NUP188: variants seen among roughly 807,000 people sequenced by gnomAD.
NUP188 encodes nucleoporin 188, also known as nucleoporin NUP188.
Under a neutral mutation model 223.0 loss-of-function variants are expected in NUP188, and 97 were observed. That is an observed-to-expected ratio of 0.43 (90% confidence interval 0.37 to 0.51). The LOEUF (loss-of-function observed/expected upper bound fraction) is 0.51. Ranked by LOEUF, NUP188 falls within the 20% of genes least tolerant of loss-of-function variation. The pLI is 0.00. For missense variants in NUP188, 1,947 were observed against 2,175.6 expected (o/e 0.89, Z 2.09); for synonymous variants, 869 against 828.0 (o/e 1.05, Z -0.85).
chr9:129,005,920 T>C (rs771305985), intron 41 of NUP188, 130 bp from the exon 42 acceptor site: 175 of 1,400,964 alleles, frequency 1.2e-4, no homozygotes, highest in Middle Eastern at 6.8e-4. Context: ...ACAGCACCTC[T>C]GAGAATTACT....
chr9:128,986,010 G>T (rs1842328142), intron 20 of NUP188, among the ~76,000 whole-genome samples: 2 of 152,092 alleles, frequency 1.3e-5, no homozygotes, highest in African/African-American at 4.8e-5. Context: ...TTGCACTCCA[G>T]CCTAGGTGCC....
At chr9:128,980,425 AAATC>A (rs1373697341) in intron 13 of NUP188, among the ~76,000 whole-genome samples, 177 bp from the exon 14 acceptor site, 1 of 152,340 alleles carries the variant, frequency 6.6e-6, no homozygotes, top group African/African-American at 2.4e-5. Flanking sequence ...GTCCCTCACT[AAATC>A]AATTATTTTA....
Position 128,983,140 on chromosome 9 carries a change from C to T in NUP188, c.1796+112C>T, listed in dbSNP as rs1401625997. ...ACTGGGTTAAAGTTCGCGCATATTC[C>T]TTGGTTTTCCTGTTTTTATATCTGT... On this transcript the variant is annotated intron_variant, in intron 17 of 43. Transcript: ENST00000372577. The T allele has an allele frequency of 2.0e-6, 3 of 1,474,582 alleles. No individual in the cohort carries two copies. The African/African-American group carries it at 4.2e-5, about 21-fold the overall frequency. 91.3% of individuals were successfully genotyped at this position (1,474,582 alleles called of 1,614,324 possible).
At chr9:128,954,363 C>T (rs1230393701) in intron 3 of NUP188, among the ~76,000 whole-genome samples, 5 of 143,178 alleles carry the variant, frequency 3.5e-5, no homozygotes, top group African/African-American at 1.1e-4. Context: ...TACAGGCGCC[C>T]GCTGTGACAA....
chr9:128,956,206 TG>T (rs1841867918), intron 3 of NUP188, 143 bp from the exon 4 acceptor site: 1 of 463,702 alleles, frequency 2.2e-6, no homozygotes, highest in African/African-American at 2.1e-5. Context: ...TGTGTGTGTG[TG>T]TGTGCGTGTG....
chr9:129,003,319 C>T lies in NUP188; in HGVS notation c.4299C>T (p.Cys1433=). The change falls in exon 38 of 44, where the codon TGC becomes TGT. Residue 1433 remains cysteine, a splice_region_variant and synonymous_variant. Transcript: ENST00000372577. Reference sequence around the variant, plus strand: ...CCTGATGTGTGCTTTCCTCCCAGTGCCTCAACGCAGTGAGGACAGTGCAGA... The same window carrying T: ...CCTGATGTGTGCTTTCCTCCCAGTGTCTCAACGCAGTGAGGACAGTGCAGA... The part of the protein sequence containing the change: ...VGVHQERTLQ[C]LNAVRTVQSL... 6.2e-7 allele frequency: 1 copy of T among 1,602,384 alleles called. No homozygotes were observed. Among genetic ancestry groups the T allele is most frequent in the Non-Finnish European group, 8.5e-7 (1 of 1,177,640 alleles).
At chr9:128,977,443 A>T (rs886777764) in intron 12 of NUP188, among the ~76,000 whole-genome samples, 1 of 152,162 alleles carries the variant, frequency 6.6e-6, no homozygotes, top group Non-Finnish European at 1.5e-5. Flanking sequence ...TAAAGAAATC[A>T]TTCAGTGAGC....
At position 129,002,980 on chromosome 9, in the gene NUP188, G is replaced by C. The variant is rs1304161204; in HGVS notation, c.4296+5G>C. 1 of 1,613,692 alleles carries C rather than the reference G, an allele frequency of 6.2e-7. No individual in the cohort carries two copies. Among genetic ancestry groups the C allele is most frequent in the South Asian group, 1.1e-5 (1 of 91,060 alleles). ...CACCAGGAGCGGACCTTACAGGTGA[G>C]GGGCTGCCTGCATTGCAGGGGTGGG... On this transcript the variant is annotated splice_donor_5th_base_variant and intron_variant, in intron 37 of 43. Transcript: ENST00000372577.
chr9:128,981,552 A>G (rs770048733), intron 15 of NUP188, among the ~76,000 whole-genome samples, 162 bp downstream of exon 15: 4 of 151,998 alleles, frequency 2.6e-5, no homozygotes, highest in East Asian at 1.9e-4. Context: ...CACTGGGATT[A>G]TAGACGTGAG....
At chr9:128,998,939 C>T (rs1359750656) in intron 32 of NUP188, among the ~76,000 whole-genome samples, 1 of 151,462 alleles carries the variant, frequency 6.6e-6, no homozygotes, top group Non-Finnish European at 1.5e-5. Flanking sequence ...TCACTGCAAC[C>T]TCCACCTCCC....
At position 128,983,567 on chromosome 9, in the gene NUP188, G is replaced by GT; in HGVS notation, c.1961+17_1961+18insT. On this transcript the variant is annotated intron_variant, in intron 19 of 43. Coordinates refer to ENST00000372577, the MANE Select transcript of NUP188 (RefSeq NM_015354.3). ...GATGATTAGGTGAGCCAAGTCCTAG[G>GT]GTGGTGGGCCATATTCCCTAGTGAG... is the stretch of plus-strand genomic sequence containing the variant. The GT allele has an allele frequency of 6.3e-7, 1 of 1,592,804 alleles. No individual in the cohort carries two copies. Among genetic ancestry groups the GT allele is most frequent in the Admixed American group, 1.7e-5 (1 of 59,778 alleles).
chr9:128,998,110 G>T lies in NUP188; in HGVS notation c.3352-41G>T. ...CATGTTTCTTGGCCTCTAAAATCTGGAAAATTTTCCCAGCTGAAACCTTTT... is the reference window on the plus strand; with the variant it reads ...CATGTTTCTTGGCCTCTAAAATCTGTAAAATTTTCCCAGCTGAAACCTTTT... On this transcript the variant is annotated intron_variant, in intron 30 of 43. Coordinates refer to ENST00000372577, the MANE Select transcript of NUP188 (RefSeq NM_015354.3). 2.0e-6 allele frequency: 3 copies of T among 1,514,766 alleles called. No individual in the cohort carries two copies. The South Asian group carries it at 3.4e-5, about 17-fold the overall frequency. 93.8% of individuals were successfully genotyped at this position (1,514,766 alleles called of 1,614,324 possible).
intron 8 of NUP188, among the ~76,000 whole-genome samples, chr9:128,963,470 C>T (rs181700136): frequency 2.0e-5 from 3 of 151,024 alleles, no homozygotes; most frequent in Non-Finnish European, 3.0e-5. Flanking sequence ...ATTTTTAATA[C>T]TGGGATTACA....
chr9:128,993,021 G>GA (rs914424698), intron 25 of NUP188, 176 bp from the exon 26 acceptor site: 1 of 602,468 alleles, frequency 1.7e-6, no homozygotes, highest in East Asian at 2.8e-5. Context: ...TCTTTCCTGT[G>GA]AATTTGCGGG....
At chr9:128,951,782 T>C (rs1456958129) in intron 2 of NUP188, among the ~76,000 whole-genome samples, 1 of 151,602 alleles carries the variant, frequency 6.6e-6, no homozygotes, top group Non-Finnish European at 1.5e-5. Flanking sequence ...AGTGTGATTC[T>C]GGAATCTGAT....
Position 128,998,176 on chromosome 9 carries a change from CTG to C in NUP188, c.3380_3381del (p.Val1127GlyfsTer8). On this transcript the variant is annotated frameshift_variant, in exon 31 of 44. Coordinates refer to ENST00000372577, the MANE Select transcript of NUP188 (RefSeq NM_015354.3). LOFTEE classifies it high-confidence loss of function. ...GCAGATATAATGCACCTGACTGACT[CTG>C]TGGTGCGTCGCCAGCTCTTTCTTGA... 6.2e-7 allele frequency: 1 copy of C among 1,613,934 alleles called. No homozygotes were observed. Among genetic ancestry groups the C allele is most frequent in the Non-Finnish European group, 8.5e-7 (1 of 1,179,782 alleles).
chr9:128,995,146 T>C (rs1842500071), intron 29 of NUP188, 173 bp from the exon 30 acceptor site: 2 of 637,992 alleles, frequency 3.1e-6, no homozygotes, highest in Admixed American at 2.8e-5. Flanking sequence ...TGGGATTTTA[T>C]GGAGGAGGAA....
chr9:128,952,919 T>C, intron 3 of NUP188, 73 bp downstream of exon 3: 1 of 1,171,722 alleles, frequency 8.5e-7, no homozygotes, highest in Non-Finnish European at 1.3e-6. Context: ...CATCCTTCTA[T>C]GTGCTTTGAT....
chr9:129,006,297 C>A lies in NUP188; in HGVS notation c.5002C>A (p.Arg1668=). 1 of 1,614,144 alleles carries A rather than the reference C, an allele frequency of 6.2e-7. No homozygotes were observed. The highest frequency in any genetic ancestry group is 1.1e-5 in the South Asian group (1 of 91,084). Residue 1668 remains arginine (R), a synonymous_variant, in exon 43 of 44, where the codon CGG becomes AGG. Coordinates refer to ENST00000372577, the MANE Select transcript of NUP188 (RefSeq NM_015354.3). ...CTACCTGCTCATCTCTCAGGCGATG[C>A]GGTACCTTAGGGACCCGGCTGTGCA... ...CFYLLISQAM[R]YLRDPAVHPR...
Sources: allele counts gnomAD v4.1 joint callset (sites outside exome capture counted in the v4.1 genomes callset), GRCh38; gene constraint gnomAD v4.1.1; transcripts MANE v1.5; gene names NCBI Gene and HGNC (gene_info 2026-07-23, HGNC 2026-07-21).